B3GALT1: variants seen among roughly 807,000 people sequenced by gnomAD.
The protein encoded by B3GALT1 is UDP-Gal:betaGlcNAc beta 1,3-galactosyltransferase, polypeptide 1.
Under a neutral mutation model 23.2 loss-of-function variants are expected in B3GALT1, and 10 were observed. The ratio of observed to expected loss-of-function variants is 0.43; its 90% CI spans 0.27 to 0.73. The LOEUF (loss-of-function observed/expected upper bound fraction) is 0.73, where lower values mean the gene tolerates loss of function less well. B3GALT1 is among the 30% of genes least tolerant of loss of function. B3GALT1 has a pLI of 0.21. For missense variants in B3GALT1, 299 were observed against 405.4 expected, an observed-to-expected ratio of 0.74 and a Z score of 2.25; for synonymous variants, 156 against 141.5, an observed-to-expected ratio of 1.10 and a Z score of -0.73.
rs183426243 is a variant in B3GALT1, at chr2:167,715,246, C to T, written c.-352+68280C>T. On this transcript the variant is annotated intron_variant, in intron 3 of 4. Coordinates refer to ENST00000392690, the MANE Select transcript of B3GALT1 (RefSeq NM_020981.4). Reference sequence around the variant, plus strand: ...CAAGCACAGCAGCCTGATCTTTCATCATTGGCAAGTGTCCAGTCAGGGTCT... The same window carrying T: ...CAAGCACAGCAGCCTGATCTTTCATTATTGGCAAGTGTCCAGTCAGGGTCT... 5.8e-4 allele frequency: 942 copies of T among 1,613,972 alleles called. 1 individual carries two copies. Among genetic ancestry groups the T allele is most frequent in the Non-Finnish European group, 6.9e-4 (810 of 1,179,858 alleles).
chr2:167,504,679 A>T (rs1699895287), intron 2 of B3GALT1, among the ~76,000 whole-genome samples: 1 of 152,210 alleles, frequency 6.6e-6, no homozygotes, highest in South Asian at 2.1e-4. Flanking sequence ...AGCTGTATAT[A>T]TGATGGTGGT....
At chr2:167,768,898 G>A (rs1178027021) in intron 3 of B3GALT1, among the ~76,000 whole-genome samples, 1 of 152,112 alleles carries the variant, frequency 6.6e-6, no homozygotes, top group Non-Finnish European at 1.5e-5. Context: ...TTTTCCTAAT[G>A]CCTTGTCCAT....
chr2:167,452,140 A>C (rs72872818), intron 1 of B3GALT1, among the ~76,000 whole-genome samples: 1 of 151,722 alleles, frequency 6.6e-6, no homozygotes, highest in South Asian at 2.1e-4. Flanking sequence ...TTCAGTTTTC[A>C]CACCTTCCCT....
At chr2:167,607,540 G>T (rs1534739) in intron 2 of B3GALT1, among the ~76,000 whole-genome samples, 2 of 152,154 alleles carry the variant, frequency 1.3e-5, no homozygotes, top group Middle Eastern at 3.4e-3. Context: ...TGTGTGCACA[G>T]GTGCACACAC....
At chr2:167,617,023 C>A (rs1685172923) in intron 2 of B3GALT1, among the ~76,000 whole-genome samples, 1 of 152,000 alleles carries the variant, frequency 6.6e-6, no homozygotes, top group Non-Finnish European at 1.5e-5. Context: ...TTTTTGATTA[C>A]ATCAAGTAAC....
intron 4 of B3GALT1, among the ~76,000 whole-genome samples, chr2:167,842,472 G>C (rs1029594181): frequency 6.6e-6 from 1 of 152,200 alleles, no homozygotes; most frequent in Non-Finnish European, 1.5e-5. Flanking sequence ...GAGGACAGGA[G>C]CGCCTGCACT....
intron 1 of B3GALT1, among the ~76,000 whole-genome samples, chr2:167,483,147 G>T (rs1234686768): frequency 6.6e-6 from 1 of 151,902 alleles, no homozygotes; most frequent in African/African-American, 2.4e-5. Flanking sequence ...TACAAAATTA[G>T]CTGGGCGTGG....
intron 1 of B3GALT1, among the ~76,000 whole-genome samples, chr2:167,430,563 C>T (rs1698691530): frequency 6.6e-6 from 1 of 152,056 alleles, no homozygotes; most frequent in African/African-American, 2.4e-5. Context: ...GAAAGATAGT[C>T]AGCATCTGGA....
At chr2:167,400,559 C>T (rs559035235) in intron 1 of B3GALT1, among the ~76,000 whole-genome samples, 61 of 152,150 alleles carry the variant, frequency 4.0e-4, no homozygotes, top group African/African-American at 1.3e-3. Flanking sequence ...ACTATGGGTT[C>T]CTATACCATG....
chr2:167,806,325 T>C (rs2105346401), intron 3 of B3GALT1, among the ~76,000 whole-genome samples: 1 of 152,314 alleles, frequency 6.6e-6, no homozygotes, highest in African/African-American at 2.4e-5. Context: ...TTTATTTCCT[T>C]CTCCTGTCTG....
At chr2:167,495,991 A>G (rs1362210323) in intron 2 of B3GALT1, among the ~76,000 whole-genome samples, 3 of 152,232 alleles carry the variant, frequency 2.0e-5, no homozygotes, top group Admixed American at 2.0e-4. Context: ...TTTCCAGAAC[A>G]TGAAAGTAGA....
intron 1 of B3GALT1, among the ~76,000 whole-genome samples, chr2:167,346,261 C>G (rs914310879): frequency 1.3e-5 from 2 of 152,126 alleles, no homozygotes; most frequent in Non-Finnish European, 2.9e-5. Context: ...CACACCCACT[C>G]TAGGGTATAA....
intron 1 of B3GALT1, among the ~76,000 whole-genome samples, chr2:167,401,838 T>C (rs1329483460): frequency 6.6e-6 from 1 of 152,188 alleles, no homozygotes; most frequent in Non-Finnish European, 1.5e-5. Context: ...TAATACTTCT[T>C]AGGACACAGT....
chr2:167,506,478 A>G (rs1385786920), intron 2 of B3GALT1, among the ~76,000 whole-genome samples: 1 of 152,226 alleles, frequency 6.6e-6, no homozygotes, highest in Admixed American at 6.5e-5. Context: ...GCTTAGGGAA[A>G]AGTGTTATGT....
At chr2:167,667,165 G>T (rs1389361521) in intron 3 of B3GALT1, among the ~76,000 whole-genome samples, 3 of 151,954 alleles carry the variant, frequency 2.0e-5, no homozygotes, top group Non-Finnish European at 2.9e-5. Context: ...AAATCTCTCA[G>T]CATTTGCTTG....
chr2:167,647,748 TAG>T (rs1443008545), intron 3 of B3GALT1, among the ~76,000 whole-genome samples: 2 of 152,318 alleles, frequency 1.3e-5, no homozygotes, highest in African/African-American at 2.4e-5. Flanking sequence ...AATTTTTTTA[TAG>T]AGTTTCTGCT....
chr2:167,682,048 C>A (rs577924901), intron 3 of B3GALT1, among the ~76,000 whole-genome samples: 1 of 151,934 alleles, frequency 6.6e-6, no homozygotes, highest in Non-Finnish European at 1.5e-5. Flanking sequence ...CTTGCCTTTC[C>A]CACCTAATTG....
At chr2:167,534,594 A>G (rs187682125) in intron 2 of B3GALT1, among the ~76,000 whole-genome samples, 79 of 152,344 alleles carry the variant, frequency 5.2e-4, no homozygotes, top group Admixed American at 1.8e-3. Context: ...TACAATGAGT[A>G]TCACAAGGAA....
chr2:167,568,727 A>G (rs1259669698), intron 2 of B3GALT1, among the ~76,000 whole-genome samples: 1 of 151,822 alleles, frequency 6.6e-6, no homozygotes, highest in Non-Finnish European at 1.5e-5. Flanking sequence ...TTAAATTTTC[A>G]TGAAGTCCAG....
Sources: gnomAD v4.1 joint callset for allele counts (sites outside exome capture counted in the v4.1 genomes callset) on GRCh38, gnomAD v4.1.1 for gene constraint, MANE v1.5 for transcripts, NCBI Gene and HGNC (gene_info 2026-07-23, HGNC 2026-07-21) for gene names.